Variants in RPRD2 observed in about 807,000 individuals in gnomAD.
RPRD2 encodes the protein regulation of nuclear pre-mRNA domain containing 2.
In RPRD2, 12 loss-of-function variants were observed where a neutral mutation model predicts 104.4. That is an observed-to-expected ratio of 0.11 (90% CI 0.07 to 0.19). The LOEUF (loss-of-function observed/expected upper bound fraction) is 0.19. RPRD2 is among the 10% of genes least tolerant of loss of function. RPRD2 has a pLI of 1.00. For synonymous variants in RPRD2, 714 were observed against 684.9 expected (o/e 1.04, Z -0.66); for missense variants, 1,543 against 1,790.1 (o/e 0.86, Z 2.49).
intron 1 of RPRD2, among the ~76,000 whole-genome samples, chr1:150,383,622 A>G (rs1312749535): frequency 6.6e-6 from 1 of 152,160 alleles, no homozygotes; most frequent in Non-Finnish European, 1.5e-5. Context: ...CAGCCAAAGA[A>G]GAGATTTTAA....
rs1668858497 is a variant in RPRD2, at chr1:150,475,694, C to T, written c.*2360C>T. ...GAAATCTTAAAATTTACATTTACAT[C>T]AGTAAATGAAGATGACAGTGTGTAT... On this transcript the variant is annotated 3_prime_UTR_variant, in exon 11 of 11. Coordinates refer to ENST00000369068, the MANE Select transcript of RPRD2 (RefSeq NM_015203.5). The T allele has an allele frequency of 6.6e-6, 1 of 152,404 alleles. No individual in the cohort carries two copies. Among genetic ancestry groups the T allele is most frequent in the Non-Finnish European group, 1.5e-5 (1 of 68,016 alleles). The allele number at this position is 152,404 out of a possible 1,614,324, so 9.4% of individuals were successfully genotyped here. A position where few individuals can be genotyped will look rare whatever the true frequency, so the allele number is the denominator to read the frequency against.
chr1:150,389,090 G>A (rs587764287), intron 1 of RPRD2, among the ~76,000 whole-genome samples: 1 of 152,106 alleles, frequency 6.6e-6, no homozygotes, highest in South Asian at 2.1e-4. Flanking sequence ...AGGCTGGTGT[G>A]CAGTGGTACA....
chr1:150,398,365 T>A (rs1662705581), intron 1 of RPRD2, among the ~76,000 whole-genome samples: 1 of 151,398 alleles, frequency 6.6e-6, no homozygotes, highest in Non-Finnish European at 1.5e-5. Flanking sequence ...CCTGGCTAAT[T>A]TTTTGTATTT....
chr1:150,428,831 A>G (rs1665350510), intron 2 of RPRD2, among the ~76,000 whole-genome samples: 1 of 152,114 alleles, frequency 6.6e-6, no homozygotes, highest in African/African-American at 2.4e-5. Flanking sequence ...CTCCTCTTGT[A>G]CTTTATCAAC....
intron 1 of RPRD2, among the ~76,000 whole-genome samples, chr1:150,384,251 G>A (rs1188018606): frequency 2.0e-5 from 3 of 151,958 alleles, no homozygotes; most frequent in African/African-American, 7.3e-5. Flanking sequence ...AGAGCAGGGA[G>A]TACCAATTTA....
intron 9 of RPRD2, among the ~76,000 whole-genome samples, chr1:150,463,443 T>G (rs1365590936): frequency 6.6e-6 from 1 of 152,232 alleles, no homozygotes; most frequent in Non-Finnish European, 1.5e-5. Context: ...CCTTACCTTC[T>G]CCAGTTACTT....
At chr1:150,462,804 G>T (rs752695629) in intron 9 of RPRD2, among the ~76,000 whole-genome samples, 1 of 152,032 alleles carries the variant, frequency 6.6e-6, no homozygotes, top group African/African-American at 2.4e-5. Flanking sequence ...ATCTGCTCGC[G>T]TTGGCCTCCC....
chr1:150,435,409 C>G (rs1332356397), intron 2 of RPRD2, among the ~76,000 whole-genome samples: 1 of 152,172 alleles, frequency 6.6e-6, no homozygotes, highest in Non-Finnish European at 1.5e-5. Flanking sequence ...ATGTTGAAAG[C>G]CAAGATAGGC....
chr1:150,437,031 C>T (rs1383346576), intron 2 of RPRD2, among the ~76,000 whole-genome samples: 11 of 152,112 alleles, frequency 7.2e-5, no homozygotes, highest in African/African-American at 2.4e-4. Context: ...CATTGCGAGA[C>T]GTAGTCTCTA....
At position 150,444,967 on chromosome 1, in the gene RPRD2, G is replaced by T. The variant is rs1241309992; in HGVS notation, c.694+590G>T. On this transcript the variant is annotated intron_variant, in intron 6 of 10. Coordinates refer to ENST00000369068, the MANE Select transcript of RPRD2 (RefSeq NM_015203.5). ...TTTGGGAAGCCAGGGCAGGAGGACT[G>T]CTTGAGACCAAGAGTTTGAGACTAG... Among the ~76,000 whole-genome samples, 11 of 152,268 alleles carry T rather than the reference G, an allele frequency of 7.2e-5. No individual in the cohort carries two copies. In the East Asian group the frequency reaches 2.1e-3, roughly 29 times the overall value.
At chr1:150,388,396 A>G (rs1351533673) in intron 1 of RPRD2, among the ~76,000 whole-genome samples, 1 of 150,934 alleles carries the variant, frequency 6.6e-6, no homozygotes, top group Non-Finnish European at 1.5e-5. Flanking sequence ...ATACACATGT[A>G]TATACGTGTA....
At chr1:150,370,248 T>C (rs587695809) in intron 1 of RPRD2, among the ~76,000 whole-genome samples, 1 of 152,220 alleles carries the variant, frequency 6.6e-6, no homozygotes, top group East Asian at 1.9e-4. Flanking sequence ...TGGGAATCAA[T>C]ATGGAAAAAT....
chr1:150,429,377 G>C (rs1665398917), intron 2 of RPRD2, among the ~76,000 whole-genome samples: 1 of 151,942 alleles, frequency 6.6e-6, no homozygotes, highest in Admixed American at 6.6e-5. Flanking sequence ...CACCCAGCCA[G>C]TAGTGGCTTT....
intron 1 of RPRD2, among the ~76,000 whole-genome samples, chr1:150,414,667 A>C (rs12747619): frequency 0.086 from 13,074 of 152,108 alleles, 686 homozygotes; most frequent in African/African-American, 0.11. Flanking sequence ...TAACATTAAA[A>C]AAAAATCTCC....
intron 2 of RPRD2, among the ~76,000 whole-genome samples, chr1:150,431,794 A>G (rs1486452897): frequency 3.3e-5 from 5 of 151,978 alleles, no homozygotes; most frequent in Admixed American, 6.6e-5. Flanking sequence ...AAGGAAGGAA[A>G]TTCTAATACA....
rs1668893537 is a variant in RPRD2 at position 150,476,390 on chromosome 1, C to G, written c.*3056C>G. Reference sequence around the variant, plus strand: ...TAAATTACTGCTTTCCCCAGTTCCCCCACTATTTTTTTTAAGTGGGCGGGG... The same window carrying G: ...TAAATTACTGCTTTCCCCAGTTCCCGCACTATTTTTTTTAAGTGGGCGGGG... On this transcript the variant is annotated 3_prime_UTR_variant, in exon 11 of 11. Transcript: ENST00000369068. 1 of 152,132 alleles carries G rather than the reference C, an allele frequency of 6.6e-6. No individual in the cohort carries two copies. Among genetic ancestry groups the G allele is most frequent in the South Asian group, 2.1e-4 (1 of 4,818 alleles). The allele number at this position is 152,132 out of a possible 1,614,324, so 9.4% of individuals were successfully genotyped here.
intron 1 of RPRD2, among the ~76,000 whole-genome samples, chr1:150,394,571 A>G (rs938042967): frequency 6.6e-6 from 1 of 152,100 alleles, no homozygotes; most frequent in Non-Finnish European, 1.5e-5. Context: ...TGAACTTTCA[A>G]CCTTTTTGTG....
At chr1:150,385,719 A>G (rs1350938007) in intron 1 of RPRD2, among the ~76,000 whole-genome samples, 1 of 152,148 alleles carries the variant, frequency 6.6e-6, no homozygotes, top group Non-Finnish European at 1.5e-5. Flanking sequence ...TCATCTTGCC[A>G]TGTTTAACTC....
At chr1:150,469,120 T>C (rs1488948744) in intron 10 of RPRD2, among the ~76,000 whole-genome samples, 3 of 152,314 alleles carry the variant, frequency 2.0e-5, no homozygotes, top group East Asian at 3.9e-4. Context: ...AGGCCAAATC[T>C]GTTAGAATAT....
Sources: allele counts gnomAD v4.1 joint callset (sites outside exome capture counted in the v4.1 genomes callset), GRCh38; gene constraint gnomAD v4.1.1; transcripts MANE v1.5; gene names NCBI Gene and HGNC (gene_info 2026-07-23, HGNC 2026-07-21).